The following NUP58 variants were observed in gnomAD, a reference collection of about 807,000 sequenced individuals.
NUP58 encodes nucleoporin 58, also known as nucleoporin p58/p45.
In NUP58, 17 loss-of-function variants were observed where a neutral mutation model predicts 70.1. The observed-to-expected ratio is 0.24, with a 90% CI of 0.17 to 0.36. The LOEUF is 0.36. Among genes scored for constraint, NUP58 ranks in the 10% least tolerant of loss-of-function variants. NUP58 has a pLI of 1.00. For missense variants in NUP58, 644 were observed against 701.5 expected (o/e 0.92, Z 0.93); for synonymous variants, 275 against 257.6 (o/e 1.07, Z -0.65).
At chr13:25,336,912 A>ATTTT in intron 13 of NUP58, 24 bp from the exon 14 acceptor site, 84 of 1,256,392 alleles carry the variant, frequency 6.7e-5, no homozygotes, top group Middle Eastern at 2.0e-4. Flanking sequence ...TTTCCCCCCC[A>ATTTT]TTTTTTTTTT....
At chr13:25,320,724 C>T (rs2031145065) in intron 8 of NUP58, 129 bp downstream of exon 8, 1 of 776,816 alleles carries the variant, frequency 1.3e-6, no homozygotes, top group African/African-American at 1.8e-5. Flanking sequence ...AATGTTAGTG[C>T]TTTTAGAAAT....
chr13:25,309,104 G>A, intron 2 of NUP58, 143 bp from the exon 3 acceptor site: 1 of 620,642 alleles, frequency 1.6e-6, no homozygotes, highest in Non-Finnish European at 2.8e-6. Flanking sequence ...CGTGATTAGT[G>A]GCAGATACTA....
chr13:25,322,768 C>G (rs1258095379), intron 9 of NUP58, among the ~76,000 whole-genome samples: 1 of 152,170 alleles, frequency 6.6e-6, no homozygotes, highest in Admixed American at 6.5e-5. Flanking sequence ...ATATGGGATA[C>G]TCAACCTGTA....
At chr13:25,330,775 C>T (rs2031573591) in intron 12 of NUP58, among the ~76,000 whole-genome samples, 2 of 152,128 alleles carry the variant, frequency 1.3e-5, no homozygotes, top group Admixed American at 6.6e-5. Flanking sequence ...AATCAAGTCT[C>T]ATTGTACAAT....
chr13:25,337,206 TAAAG>T (rs768231329), intron 14 of NUP58, among the ~76,000 whole-genome samples, 172 bp downstream of exon 14: 29 of 152,306 alleles, frequency 1.9e-4, no homozygotes, highest in African/African-American at 6.0e-4. Context: ...ATTTAGAACT[TAAAG>T]AATCATTCCA....
intron 5 of NUP58, 71 bp from the exon 6 acceptor site, chr13:25,315,286 A>C: frequency 9.6e-7 from 1 of 1,040,534 alleles, no homozygotes; most frequent in African/African-American, 1.6e-5. Context: ...AAAGCATTAG[A>C]GTCCTTTGAT....
At position 25,320,988 on chromosome 13, in the gene NUP58, G is replaced by C; in HGVS notation, c.846G>C (p.Lys282Asn). 1.9e-6 allele frequency: 3 copies of C among 1,598,288 alleles called. No homozygotes were observed. Among genetic ancestry groups the C allele is most frequent in the Non-Finnish European group, 2.6e-6 (3 of 1,174,956 alleles). ...GAATGTCTTCAAAAGCAATGCTTAA[G>C]GTACAAGAAGATATTAAAGCTCTGA... The part of the protein sequence containing the change: ...ISRMSSKAML[K>N]VQEDIKALKQ... The change falls in exon 9 of 16, where the codon AAG becomes AAC. Residue 282 changes from lysine to asparagine, a missense_variant. Physicochemically the swap from Lys to Asn is moderately conservative, Grantham distance 94. Transcript: ENST00000381736.
rs2137831840 is a variant in NUP58, at chr13:25,336,990, G to A, written c.1490G>A (p.Gly497Asp). ...GGAACGCCATTCGGCTCAGGTATTG[G>A]CACTGGCTTGCAATCAAGTGGCTTA... Reference protein sequence around the residue: ...SFGTPFGSGIGTGLQSSGLGS... With the variant: ...SFGTPFGSGIDTGLQSSGLGS... Residue 497 changes from glycine (G) to aspartate (D), a missense_variant, in exon 14 of 16, where the codon GGC becomes GAC. This residue lies in a region of NUP58 where 132 missense variants were observed against 203.9 expected (regional missense o/e 0.65). Coordinates refer to ENST00000381736, the MANE Select transcript of NUP58 (RefSeq NM_014089.4). The A allele has an allele frequency of 6.2e-7, 1 of 1,608,796 alleles. No homozygotes were observed. Among genetic ancestry groups the A allele is most frequent in the East Asian group, 2.2e-5 (1 of 44,576 alleles).
chr13:25,325,673 A>C (rs959204976), intron 10 of NUP58, among the ~76,000 whole-genome samples: 9 of 152,126 alleles, frequency 5.9e-5, no homozygotes, highest in African/African-American at 2.2e-4. Flanking sequence ...CGATAAAGAG[A>C]CTGAGGTATG....
At position 25,320,989 on chromosome 13, in the gene NUP58, G is replaced by A. The variant is rs1441056460; in HGVS notation, c.847G>A (p.Val283Ile). The A allele has an allele frequency of 2.5e-6, 4 of 1,601,816 alleles. No homozygotes were observed. The highest frequency in any genetic ancestry group is 2.6e-6 in the Non-Finnish European group (3 of 1,175,786). ...AATGTCTTCAAAAGCAATGCTTAAG[G>A]TACAAGAAGATATTAAAGCTCTGAA... ...SRMSSKAMLK[V>I]QEDIKALKQL... The change falls in exon 9 of 16, where the codon GTA becomes ATA. Residue 283 changes from valine (V) to isoleucine (I), a missense_variant. By Grantham distance (29) the Val-to-Ile change is conservative. Coordinates refer to ENST00000381736, the MANE Select transcript of NUP58 (RefSeq NM_014089.4).
At chr13:25,319,378 A>G in intron 7 of NUP58, 28 bp downstream of exon 7, 3 of 1,581,084 alleles carry the variant, frequency 1.9e-6, no homozygotes, top group Non-Finnish European at 2.6e-6. Flanking sequence ...CCCTTAAGGC[A>G]TTTTAATTGA....
Position 25,327,512 on chromosome 13 carries a change from G to A in NUP58, c.1233G>A (p.Lys411=), listed in dbSNP as rs2031442574. 3 of 1,601,944 alleles carry A rather than the reference G, an allele frequency of 1.9e-6. No homozygotes were observed. The highest frequency in any genetic ancestry group is 1.7e-6 in the Non-Finnish European group (2 of 1,172,080). ...AQLQSIHENV[K]VLKEQYLGYR... The stretch of plus-strand genomic sequence containing the variant: ...TTCAGTCTATTCATGAAAATGTAAA[G>A]GTAAGTTTTCATTACCCATTTATCT... The change falls in exon 12 of 16, where the codon AAG becomes AAA. Residue 411 remains lysine (K), a splice_region_variant and synonymous_variant. Coordinates refer to ENST00000381736, the MANE Select transcript of NUP58 (RefSeq NM_014089.4).
At chr13:25,334,134 G>A (rs1350638618) in intron 13 of NUP58, 8 of 985,202 alleles carry the variant, frequency 8.1e-6, no homozygotes, top group Non-Finnish European at 8.4e-6. Context: ...AAATCCAGCA[G>A]GCTATTTGTG....
In NUP58 at chr13:25,336,931, A is replaced by G; in HGVS notation, c.1436-5A>G. On this transcript the variant is annotated splice_polypyrimidine_tract_variant and splice_region_variant and intron_variant, in intron 13 of 15. Transcript: ENST00000381736. ...CCCCCCATTTTTTTTTTTTTTTTAT[A>G]CCAGGGCCACAGCCATCTCTGGGAG... 6.6e-7 allele frequency: 1 copy of G among 1,512,872 alleles called. No homozygotes were observed. Among genetic ancestry groups the G allele is most frequent in the Non-Finnish European group, 8.8e-7 (1 of 1,134,996 alleles). The allele number at this position is 1,512,872 out of a possible 1,614,324, so 93.7% of individuals were successfully genotyped here.
chr13:25,333,766 C>G (rs562640537), intron 13 of NUP58: 2 of 985,348 alleles, frequency 2.0e-6, no homozygotes, highest in East Asian at 1.1e-4. Context: ...CCTGTGACTT[C>G]TGTGAAATCT....
intron 1 of NUP58, among the ~76,000 whole-genome samples, chr13:25,304,463 G>T (rs1490639932): frequency 1.7e-5 from 2 of 117,970 alleles, no homozygotes; most frequent in Admixed American, 1.9e-4. Flanking sequence ...AATGTCTTCA[G>T]TTATGTTGTC....
chr13:25,334,890 A>G, intron 13 of NUP58: 3 of 984,798 alleles, frequency 3.0e-6, no homozygotes, highest in South Asian at 4.7e-5. Flanking sequence ...ATATATCACT[A>G]CAAACTTAAT....
At chr13:25,335,816 G>A (rs1129861) in intron 13 of NUP58, 99,780 of 986,938 alleles carry the variant, frequency 0.1, 6,349 homozygotes, top group East Asian at 0.32. Context: ...AAATTTTAGT[G>A]TGTATATTAC....
At position 25,315,417 on chromosome 13, in the gene NUP58, G is replaced by T. The variant is rs1167103005; in HGVS notation, c.635G>T (p.Gly212Val). Reference protein sequence around the residue: ...LGTTAATSTAGNEGLGGIDFS... With the variant: ...LGTTAATSTAVNEGLGGIDFS... ...ACTACAGCAGCTACTTCAACTGCAG[G>T]CAATGAAGGCCTTGGTGGTATAGAT... Residue 212 changes from glycine (G) to valine (V), a missense_variant, in exon 6 of 16, where the codon GGC (glycine) becomes GTC (valine). Coordinates refer to ENST00000381736, the MANE Select transcript of NUP58 (RefSeq NM_014089.4). 1.2e-6 allele frequency: 2 copies of T among 1,613,944 alleles called. No individual in the cohort carries two copies. Among genetic ancestry groups the T allele is most frequent in the Admixed American group, 1.7e-5 (1 of 60,020 alleles).
Sources: gnomAD v4.1 joint callset for allele counts (sites outside exome capture counted in the v4.1 genomes callset) on GRCh38, gnomAD v4.1.1 for gene constraint, gnomAD v4.1.1 regional missense constraint, MANE v1.5 for transcripts, NCBI Gene and HGNC (gene_info 2026-07-23, HGNC 2026-07-21) for gene names.